Variants in CCDC112 observed in about 807,000 individuals in gnomAD.
CCDC112 encodes the protein coiled-coil domain containing 112, also known as coiled-coil domain-containing protein 112.
In CCDC112, 40 loss-of-function variants were observed where a neutral mutation model predicts 66.3. The ratio of observed to expected loss-of-function variants is 0.60; its 90% CI spans 0.47 to 0.79. The LOEUF (loss-of-function observed/expected upper bound fraction) is 0.79. CCDC112 is among the 30% of genes least tolerant of loss of function. The pLI, the probability that CCDC112 is intolerant of heterozygous loss-of-function variation, is 0.00. For synonymous variants in CCDC112, 214 were observed against 197.2 expected, an observed-to-expected ratio of 1.09 and a Z score of -0.71; for missense variants, 659 against 603.8, an observed-to-expected ratio of 1.09 and a Z score of -0.96.
intron 1 of CCDC112, among the ~76,000 whole-genome samples, chr5:115,290,665 T>C (rs1283820580): frequency 6.6e-6 from 1 of 152,178 alleles, no homozygotes; most frequent in Admixed American, 6.5e-5. Flanking sequence ...TTTGAATAAT[T>C]TTTATAGGTT....
intron 9 of CCDC112, among the ~76,000 whole-genome samples, chr5:115,268,193 A>C (rs1402442986): frequency 6.6e-6 from 1 of 152,226 alleles, no homozygotes; most frequent in African/African-American, 2.4e-5. Context: ...CCTTATAAAA[A>C]TAAATATTAA....
chr5:115,294,630 T>C (rs1750071515), intron 1 of CCDC112, among the ~76,000 whole-genome samples: 1 of 152,228 alleles, frequency 6.6e-6, no homozygotes, highest in African/African-American at 2.4e-5. Context: ...TCTAGTATCA[T>C]GAGATTGCCA....
intron 2 of CCDC112, among the ~76,000 whole-genome samples, chr5:115,283,540 T>A (rs1016262416): frequency 6.6e-6 from 1 of 152,174 alleles, no homozygotes; most frequent in Non-Finnish European, 1.5e-5. Context: ...GTGGTAATCA[T>A]TCTGCAATGT....
rs779335211 is a variant in CCDC112 at position 115,296,581 on chromosome 5, G to T, written c.-38C>A. 17 of 1,429,152 alleles carry T rather than the reference G, an allele frequency of 1.2e-5. No individual in the cohort carries two copies. The highest frequency in any genetic ancestry group is 2.8e-5 in the East Asian group (1 of 35,132). 88.5% of individuals were successfully genotyped at this position (1,429,152 alleles called of 1,614,324 possible). On this transcript the variant is annotated 5_prime_UTR_variant, in exon 1 of 10. Transcript: ENST00000379611. ...AGCTACTCGGGCCGCGGCGGCCACC[G>T]GTGCCTGGGGATTCGTGGCAGGCGC... is the stretch of plus-strand genomic sequence containing the variant.
chr5:115,267,963 A>G (rs1255817494), intron 9 of CCDC112, 45 bp from the exon 10 acceptor site: 1 of 1,460,022 alleles, frequency 6.8e-7, no homozygotes, highest in Non-Finnish European at 9.6e-7. Flanking sequence ...GTAGGAAATT[A>G]AAAAGAAAAA....
intron 1 of CCDC112, among the ~76,000 whole-genome samples, chr5:115,290,694 GCTT>G (rs1450797124): frequency 2.0e-5 from 3 of 152,092 alleles, no homozygotes; most frequent in African/African-American, 7.2e-5. Context: ...TAAGTTTTAT[GCTT>G]CTTTTGTTAA....
In CCDC112 at chr5:115,267,814, T is replaced by C; in HGVS notation, c.*62A>G. 1 of 1,281,316 alleles carries C rather than the reference T, an allele frequency of 7.8e-7. No individual in the cohort carries two copies. Among genetic ancestry groups the C allele is most frequent in the Non-Finnish European group, 1.1e-6 (1 of 877,752 alleles). 79.4% of individuals were successfully genotyped at this position (1,281,316 alleles called of 1,614,324 possible). On this transcript the variant is annotated 3_prime_UTR_variant, in exon 10 of 10. Coordinates refer to ENST00000379611, the MANE Select transcript of CCDC112 (RefSeq NM_001040440.3). ...ATATTTAAAGAATGTGGTTAGTCAC[T>C]CTCTCCCTGGTATAACTTAGTATGT...
rs1174655469 is a variant in CCDC112, at chr5:115,269,789, T to C, written c.1342A>G (p.Lys448Glu). The C allele has an allele frequency of 6.4e-7, 1 of 1,561,700 alleles. No individual in the cohort carries two copies. Among genetic ancestry groups the C allele is most frequent in the Non-Finnish European group, 8.6e-7 (1 of 1,160,898 alleles). Residue 448 changes from lysine to glutamate, a missense_variant, in exon 8 of 10, where the codon AAA (lysine) becomes GAA (glutamate). Coordinates refer to ENST00000379611, the MANE Select transcript of CCDC112 (RefSeq NM_001040440.3). ...CTATCTAGAATTTTCAGTTCAAGTT[T>C]ATGTAAATCCTTAAAAAAAAAAACC... ...ISRFQERDLH[K>E]LELKILDRQA...
intron 8 of CCDC112, 105 bp from the exon 9 acceptor site, chr5:115,269,105 G>C: frequency 1.7e-6 from 1 of 574,060 alleles, no homozygotes; most frequent in Non-Finnish European, 3.0e-6. Context: ...GTTGATATTG[G>C]CTAATAAAAC....
intron 8 of CCDC112, 142 bp downstream of exon 8, chr5:115,269,561 G>T: frequency 1.7e-6 from 1 of 599,360 alleles, no homozygotes; most frequent in Non-Finnish European, 2.8e-6. Context: ...AGTTATGCTT[G>T]CTAATATGTA....
chr5:115,284,914 T>A lies in CCDC112; in HGVS notation c.118-6A>T, dbSNP rs770350797. 5 of 1,605,770 alleles carry A rather than the reference T, an allele frequency of 3.1e-6. No homozygotes were observed. Among genetic ancestry groups the A allele is most frequent in the South Asian group, 2.2e-5 (2 of 89,826 alleles). The stretch of plus-strand genomic sequence containing the variant: ...GTACTAAAACAGCCATCACTCTGCA[T>A]TGAGAACAAGAAAAACTTAACAGTA... On this transcript the variant is annotated splice_polypyrimidine_tract_variant and splice_region_variant and intron_variant, in intron 1 of 9. Transcript: ENST00000379611.
At chr5:115,291,294 T>G (rs1749917888) in intron 1 of CCDC112, among the ~76,000 whole-genome samples, 1 of 152,294 alleles carries the variant, frequency 6.6e-6, no homozygotes, top group African/African-American at 2.4e-5. Context: ...TAATTGATTT[T>G]CATATATTAA....
At chr5:115,295,982 T>C in intron 1 of CCDC112, 4 of 987,430 alleles carry the variant, frequency 4.1e-6, no homozygotes, top group Non-Finnish European at 4.8e-6. Context: ...CATCCCATAT[T>C]GTCTTTCTCC....
At chr5:115,274,932 A>G (rs1406956667) in intron 6 of CCDC112, among the ~76,000 whole-genome samples, 2 of 151,998 alleles carry the variant, frequency 1.3e-5, no homozygotes, top group Admixed American at 6.6e-5. Flanking sequence ...TTGTAGAGAC[A>G]GGGTTTTGCC....
At chr5:115,292,372 TA>T (rs71593218) in intron 1 of CCDC112, among the ~76,000 whole-genome samples, 1 of 152,106 alleles carries the variant, frequency 6.6e-6, no homozygotes, top group Admixed American at 6.5e-5. Context: ...TTAATTTCTT[TA>T]AAGATTTCTA....
chr5:115,270,713 A>C (rs1259092039), intron 7 of CCDC112, among the ~76,000 whole-genome samples: 1 of 152,192 alleles, frequency 6.6e-6, no homozygotes, highest in East Asian at 1.9e-4. Context: ...CAAATCATTC[A>C]GTCTTGCCTA....
At chr5:115,274,441 G>A (rs1410278602) in intron 6 of CCDC112, among the ~76,000 whole-genome samples, 1 of 152,084 alleles carries the variant, frequency 6.6e-6, no homozygotes, top group Non-Finnish European at 1.5e-5. Context: ...AACATTTTGA[G>A]TCTTTAAAAT....
intron 1 of CCDC112, among the ~76,000 whole-genome samples, chr5:115,288,873 CCT>C (rs2127072995): frequency 1.3e-5 from 2 of 152,176 alleles, no homozygotes; most frequent in Non-Finnish European, 2.9e-5. Flanking sequence ...AAAAATGTTC[CCT>C]GAGTGACTAA....
At chr5:115,296,168 T>A (rs1474668538) in intron 1 of CCDC112, 5 of 1,246,420 alleles carry the variant, frequency 4.0e-6, no homozygotes, top group Non-Finnish European at 5.0e-6. Flanking sequence ...CGACAGCATA[T>A]GTTCTTATCA....
Sources: gnomAD v4.1 joint callset for allele counts (sites outside exome capture counted in the v4.1 genomes callset) on GRCh38, gnomAD v4.1.1 for gene constraint, MANE v1.5 for transcripts, NCBI Gene and HGNC (gene_info 2026-07-23, HGNC 2026-07-21) for gene names.